The following TTC21B variants were observed in gnomAD, a reference collection of about 807,000 sequenced individuals.
TTC21B encodes tetratricopeptide repeat domain 21B.
TTC21B carries 127 observed loss-of-function variants against 175.1 expected under a neutral mutation model. The observed-to-expected ratio is 0.73, with a 90% CI of 0.63 to 0.84. The LOEUF is 0.84. TTC21B is among the 40% of genes least tolerant of loss of function. TTC21B has a pLI of 0.00. For synonymous variants in TTC21B, 524 were observed against 524.5 expected, an observed-to-expected ratio of 1.00 and a Z score of 0.01; for missense variants, 1,561 against 1,558.3, an observed-to-expected ratio of 1.00 and a Z score of -0.03.
intron 5 of TTC21B, among the ~76,000 whole-genome samples, chr2:165,942,855 C>T (rs1412533057): frequency 6.6e-6 from 1 of 152,170 alleles, no homozygotes; most frequent in African/African-American, 2.4e-5. Context: ...TGTCTGCCTC[C>T]ATCAGTAGGA....
rs577557529 is a variant in TTC21B, at chr2:165,873,682, A to G, written c.*1073T>C. The G allele has an allele frequency of 1.3e-5, 2 of 152,162 alleles. No individual in the cohort carries two copies. Among genetic ancestry groups the G allele is most frequent in the African/African-American group, 4.8e-5 (2 of 41,434 alleles). 9.4% of individuals were successfully genotyped at this position (152,162 alleles called of 1,614,324 possible). ...ACCAAGTCTTCTAGGCTAAGGTTAAATATCCCTAATAAGGGACCTATTTAA... is the reference window on the plus strand; with the variant it reads ...ACCAAGTCTTCTAGGCTAAGGTTAAGTATCCCTAATAAGGGACCTATTTAA... On this transcript the variant is annotated 3_prime_UTR_variant, in exon 29 of 29. Transcript: ENST00000243344.
intron 24 of TTC21B, among the ~76,000 whole-genome samples, chr2:165,889,103 CTTATT>C (rs1685102938): frequency 6.6e-6 from 1 of 152,098 alleles, no homozygotes; most frequent in African/African-American, 2.4e-5. Context: ...TAGCAATTTT[CTTATT>C]TTATACACAC....
At chr2:165,923,154 T>C (rs369258526) in intron 12 of TTC21B, among the ~76,000 whole-genome samples, 2 of 152,144 alleles carry the variant, frequency 1.3e-5, no homozygotes, top group Non-Finnish European at 2.9e-5. Context: ...ACTCATGTGA[T>C]GGATACACTA....
intron 25 of TTC21B, among the ~76,000 whole-genome samples, chr2:165,887,174 T>C (rs1404637533): frequency 6.6e-6 from 1 of 152,166 alleles, no homozygotes; most frequent in Non-Finnish European, 1.5e-5. Context: ...GGGCTTTGGG[T>C]AGTTTATTGC....
At chr2:165,884,488 C>G (rs1179523223) in intron 25 of TTC21B, among the ~76,000 whole-genome samples, 8 of 152,158 alleles carry the variant, frequency 5.3e-5, no homozygotes, top group Non-Finnish European at 1.0e-4. Flanking sequence ...ATTATGACTT[C>G]TATTGCTTTT....
rs1441869012 is a variant in TTC21B at position 165,924,664 on chromosome 2, C to G, written c.1401G>C (p.Gly467=). ...GCCTGAGAAGTGGACAAAGAGGTTG[C>G]CCAGGACTTGCAGGCTAAACAAAAC... is the stretch of plus-strand genomic sequence containing the variant. The part of the protein sequence containing the change: ...SFCPMQPASP[G]QPLCPLLRRC... The change falls in exon 12 of 29, where the codon GGG becomes GGC. Residue 467 remains glycine (G), a synonymous_variant. Transcript: ENST00000243344. 6.2e-7 allele frequency: 1 copy of G among 1,613,334 alleles called. No homozygotes were observed. The highest frequency in any genetic ancestry group is 2.2e-5 in the East Asian group (1 of 44,802).
intron 9 of TTC21B, 150 bp from the exon 10 acceptor site, chr2:165,929,897 A>G: frequency 1.4e-6 from 1 of 710,840 alleles, no homozygotes; most frequent in Non-Finnish European, 2.5e-6. Flanking sequence ...AAGAAAATGA[A>G]GAGTGAAAGA....
rs5836067 is a variant in TTC21B, at chr2:165,945,796, ACTGT to A, written c.263-110_263-107del. 359,063 of 1,045,936 alleles carry A rather than the reference ACTGT, an allele frequency of 0.34. 66,232 individuals carry two copies. The highest frequency in any genetic ancestry group is 0.38 in the Non-Finnish European group (272,100 of 721,722). 64.8% of individuals were successfully genotyped at this position (1,045,936 alleles called of 1,614,324 possible). On this transcript the variant is annotated intron_variant, in intron 3 of 28. Transcript: ENST00000243344. ...AAAATTTACTTCTCTCTATAGTGGT[ACTGT>A]CTAATAGAAATAAAATGCAAGCCAT...
intron 22 of TTC21B, among the ~76,000 whole-genome samples, chr2:165,892,191 TA>T (rs1414966329): frequency 6.6e-6 from 1 of 152,180 alleles, no homozygotes; most frequent in Non-Finnish European, 1.5e-5. Context: ...TAGGGATTTG[TA>T]GGGGACTTGT....
At chr2:165,910,931 C>G (rs1221106713) in intron 18 of TTC21B, among the ~76,000 whole-genome samples, 1 of 151,770 alleles carries the variant, frequency 6.6e-6, no homozygotes, top group Non-Finnish European at 1.5e-5. Context: ...AATTTGAGAA[C>G]AAGGCAAATG....
chr2:165,892,487 A>C (rs1685229304), intron 22 of TTC21B, among the ~76,000 whole-genome samples: 1 of 152,212 alleles, frequency 6.6e-6, no homozygotes, highest in Admixed American at 6.5e-5. Flanking sequence ...TGAATAGATA[A>C]TCAAAATGTA....
chr2:165,913,728 C>T, intron 15 of TTC21B, 82 bp from the exon 16 acceptor site: 1 of 1,234,502 alleles, frequency 8.1e-7, no homozygotes, highest in South Asian at 1.3e-5. Context: ...AAATAAGCTC[C>T]CTTATTTTAG....
Position 165,888,286 on chromosome 2 carries a change from G to A in TTC21B, c.3452C>T (p.Ala1151Val). Residue 1151 changes from alanine to valine, a missense_variant, in exon 25 of 29, where the codon GCA becomes GTA. By Grantham distance (64) the Ala-to-Val change is moderately conservative (BLOSUM62 0). Coordinates refer to ENST00000243344, the MANE Select transcript of TTC21B (RefSeq NM_024753.5). Reference protein sequence around the residue: ...QALNTFTEIAASEKEHIPALL... With the variant: ...QALNTFTEIAVSEKEHIPALL... ...AAAAGGAAATCCACTAACCTCAGATGCTGCTATTTCAGTGAAGGTATTTAA... is the reference window on the plus strand; with the variant it reads ...AAAAGGAAATCCACTAACCTCAGATACTGCTATTTCAGTGAAGGTATTTAA... The A allele has an allele frequency of 6.2e-7, 1 of 1,611,312 alleles. No homozygotes were observed. The highest frequency in any genetic ancestry group is 8.5e-7 in the Non-Finnish European group (1 of 1,177,506).
intron 22 of TTC21B, among the ~76,000 whole-genome samples, chr2:165,894,277 G>A (rs7425750): frequency 0.018 from 2,748 of 152,218 alleles, 120 homozygotes; most frequent in Admixed American, 0.099. Context: ...GCAATCTGTC[G>A]TGAGAGCAGT....
At chr2:165,948,521 T>C (rs762445005) in intron 3 of TTC21B, 2 of 152,220 alleles carry the variant, frequency 1.3e-5, no homozygotes, top group Non-Finnish European at 2.9e-5. Flanking sequence ...CGTCTAATAT[T>C]CAAGGAACCA....
At position 165,949,523 on chromosome 2, in the gene TTC21B, A is replaced by G. The variant is rs756891772; in HGVS notation, c.152-19T>C. 1.4e-5 allele frequency: 22 copies of G among 1,613,452 alleles called. No homozygotes were observed. The highest frequency in any genetic ancestry group is 3.3e-4 in the Middle Eastern group (2 of 6,054). ...GTTTTACCTGAAAATCAAGATTATG[A>G]TATGAAAAACTGTTCTTAGTGCAAA... On this transcript the variant is annotated intron_variant, in intron 2 of 28. Transcript: ENST00000243344.
At chr2:165,887,513 C>A (rs1685043566) in intron 25 of TTC21B, among the ~76,000 whole-genome samples, 1 of 151,884 alleles carries the variant, frequency 6.6e-6, no homozygotes, top group Non-Finnish European at 1.5e-5. Flanking sequence ...ATGGCAAAAC[C>A]CCTTCTCTAC....
At chr2:165,931,994 T>A (rs2105347373) in intron 7 of TTC21B, 138 bp from the exon 8 acceptor site, 1 of 662,268 alleles carries the variant, frequency 1.5e-6, no homozygotes, top group South Asian at 1.7e-5. Flanking sequence ...CCTCCTTCAA[T>A]GGATGATTAT....
chr2:165,951,839 C>T (rs961637360), intron 1 of TTC21B, among the ~76,000 whole-genome samples: 2 of 152,136 alleles, frequency 1.3e-5, no homozygotes, highest in Admixed American at 6.5e-5. Context: ...AGCTTATAAA[C>T]TCCTTTGGGA....
Sources: gnomAD v4.1 joint callset for allele counts (sites outside exome capture counted in the v4.1 genomes callset) on GRCh38, gnomAD v4.1.1 for gene constraint, MANE v1.5 for transcripts, NCBI Gene and HGNC (gene_info 2026-07-23, HGNC 2026-07-21) for gene names.